Variants in DCC observed in about 807,000 individuals in gnomAD.
DCC encodes netrin receptor DCC.
DCC carries 58 observed loss-of-function variants against 172.5 expected under a neutral mutation model. The ratio of observed to expected loss-of-function variants is 0.34; its 90% CI spans 0.27 to 0.42. The LOEUF is 0.42. Among genes scored for constraint, DCC ranks in the 10% least tolerant of loss-of-function variants. The pLI is 1.00. For missense variants in DCC, 1,740 were observed against 1,791.0 expected (o/e 0.97, Z 0.51); for synonymous variants, 709 against 644.5 (o/e 1.10, Z -1.52).
At chr18:53,414,575 G>C (rs1186758752) in intron 20 of DCC, among the ~76,000 whole-genome samples, 1 of 152,076 alleles carries the variant, frequency 6.6e-6, no homozygotes, top group Non-Finnish European at 1.5e-5. Flanking sequence ...TTGGCCGGGC[G>C]TGGTGGCTCA....
intron 2 of DCC, among the ~76,000 whole-genome samples, chr18:52,858,997 T>C (rs902533761): frequency 6.6e-6 from 1 of 152,062 alleles, no homozygotes; most frequent in Non-Finnish European, 1.5e-5. Context: ...ATAATCTTAC[T>C]TTTCATATAT....
intron 2 of DCC, among the ~76,000 whole-genome samples, chr18:52,785,051 A>C (rs2037630310): frequency 6.6e-6 from 1 of 151,976 alleles, no homozygotes; most frequent in Admixed American, 6.6e-5. Flanking sequence ...CATAGGGCTC[A>C]CAGATTGGTT....
chr18:52,815,824 A>G (rs1168668218), intron 2 of DCC, among the ~76,000 whole-genome samples: 1 of 152,228 alleles, frequency 6.6e-6, no homozygotes, highest in African/African-American at 2.4e-5. Context: ...CTTGCAAAAG[A>G]CATCGACAAC....
intron 12 of DCC, among the ~76,000 whole-genome samples, chr18:53,292,532 C>CA (rs1305705405): frequency 2.6e-5 from 4 of 151,970 alleles, no homozygotes. Flanking sequence ...ACTAAACATA[C>CA]AAAAAATTAT....
In DCC at chr18:53,486,826, C is replaced by T. The variant is rs1399433900; in HGVS notation, c.3766C>T (p.Leu1256=). 1 of 1,614,134 alleles carries T rather than the reference C, an allele frequency of 6.2e-7. No individual in the cohort carries two copies. ...CGTGAGCGCCATCCCGGTGCCAACG[C>T]TAGAAAGTGCCCAGTACCCAGGAAT... ...AVVSAIPVPT[L]ESAQYPGILP... Residue 1256 remains leucine, a synonymous_variant, in exon 26 of 29, where the codon CTA becomes TTA. Coordinates refer to ENST00000442544, the MANE Select transcript of DCC (RefSeq NM_005215.4).
chr18:52,902,807 G>A (rs187397175), intron 2 of DCC, among the ~76,000 whole-genome samples: 9 of 152,270 alleles, frequency 5.9e-5, no homozygotes, highest in South Asian at 2.1e-4. Context: ...GCTTTTGAAT[G>A]TGTAGAGTTT....
intron 27 of DCC, among the ~76,000 whole-genome samples, chr18:53,499,763 T>C (rs1384754424): frequency 6.6e-6 from 1 of 152,154 alleles, no homozygotes; most frequent in Admixed American, 6.5e-5. Context: ...CAGTCCACCA[T>C]TTTTAATATG....
chr18:52,342,139 C>G (rs1197921879), intron 1 of DCC, among the ~76,000 whole-genome samples: 1 of 152,186 alleles, frequency 6.6e-6, no homozygotes, highest in Non-Finnish European at 1.5e-5. Context: ...TTCAGACAGT[C>G]AAGCGCCAAG....
intron 22 of DCC, among the ~76,000 whole-genome samples, chr18:53,441,351 C>T (rs1340933422): frequency 6.6e-6 from 1 of 152,096 alleles, no homozygotes; most frequent in Non-Finnish European, 1.5e-5. Context: ...GTCTTAACCT[C>T]TTGATTTTGG....
intron 5 of DCC, among the ~76,000 whole-genome samples, chr18:52,954,008 A>G (rs1003454674): frequency 2.6e-5 from 4 of 152,194 alleles, no homozygotes; most frequent in Non-Finnish European, 4.4e-5. Flanking sequence ...CAAAAATACT[A>G]TTATAAACTC....
rs1324280502 is a variant in DCC, at chr18:52,610,225, A to G, written c.92-141829A>G. On this transcript the variant is annotated intron_variant, in intron 1 of 28. Coordinates refer to ENST00000442544, the MANE Select transcript of DCC (RefSeq NM_005215.4). ...TATATATATATATATATATATATAT[A>G]TAAAATTAGCCAGATGTGGTGGCAG... 3.2e-5 allele frequency among the ~76,000 whole-genome samples: 3 copies of G among 94,202 alleles called. No individual in the cohort carries two copies. The Admixed American group carries it at 3.8e-4, about 12-fold the overall frequency. 61.8% of individuals were successfully genotyped at this position (94,202 alleles called of 152,430 possible). A position where few individuals can be genotyped will look rare whatever the true frequency, so the allele number is the denominator to read the frequency against.
chr18:53,034,151 T>C (rs1303829877), intron 5 of DCC, among the ~76,000 whole-genome samples: 1 of 152,054 alleles, frequency 6.6e-6, no homozygotes, highest in East Asian at 1.9e-4. Context: ...GTTGATAGCT[T>C]TCAAATTGTT....
At chr18:52,884,313 C>CT (rs2039538555) in intron 2 of DCC, among the ~76,000 whole-genome samples, 1 of 151,980 alleles carries the variant, frequency 6.6e-6, no homozygotes, top group Non-Finnish European at 1.5e-5. Context: ...TCTACTTCCT[C>CT]TTGAAGACCA....
At chr18:52,950,580 C>T (rs1306000548) in intron 5 of DCC, among the ~76,000 whole-genome samples, 1 of 152,110 alleles carries the variant, frequency 6.6e-6, no homozygotes, top group African/African-American at 2.4e-5. Context: ...GGGTTACAGT[C>T]GGTTACTTAA....
intron 1 of DCC, among the ~76,000 whole-genome samples, chr18:52,504,552 G>A (rs1010953626): frequency 6.6e-6 from 1 of 152,156 alleles, no homozygotes; most frequent in Non-Finnish European, 1.5e-5. Flanking sequence ...TTTCCTTAGA[G>A]TCATATTGGC....
chr18:52,629,050 A>T (rs1390903411), intron 1 of DCC, among the ~76,000 whole-genome samples: 1 of 152,216 alleles, frequency 6.6e-6, no homozygotes, highest in African/African-American at 2.4e-5. Context: ...GGATATTACT[A>T]TGAGACAGAG....
At chr18:53,121,021 G>T (rs1212497117) in intron 7 of DCC, among the ~76,000 whole-genome samples, 1 of 151,826 alleles carries the variant, frequency 6.6e-6, no homozygotes, top group Non-Finnish European at 1.5e-5. Flanking sequence ...TATCATTAAG[G>T]AAACAAAATA....
chr18:52,618,578 T>C (rs371060534), intron 1 of DCC, among the ~76,000 whole-genome samples: 9 of 152,180 alleles, frequency 5.9e-5, no homozygotes, highest in African/African-American at 2.2e-4. Context: ...CAAACACCAT[T>C]TCCTCCAACA....
intron 26 of DCC, among the ~76,000 whole-genome samples, chr18:53,498,973 A>T (rs1003797301): frequency 6.6e-6 from 1 of 152,240 alleles, no homozygotes; most frequent in South Asian, 2.1e-4. Context: ...ATGAAAGGAG[A>T]AATAACTCTT....
Sources: allele counts gnomAD v4.1 joint callset (sites outside exome capture counted in the v4.1 genomes callset), GRCh38; gene constraint gnomAD v4.1.1; transcripts MANE v1.5; gene names NCBI Gene and HGNC (gene_info 2026-07-23, HGNC 2026-07-21).